CCNH: variants seen among roughly 807,000 people sequenced by gnomAD.
CCNH encodes cyclin H, also known as cyclin-H.
Under a neutral mutation model 41.9 loss-of-function variants are expected in CCNH, and 31 were observed. The ratio of observed to expected loss-of-function variants is 0.74; its 90% CI spans 0.56 to 1.00. The LOEUF (loss-of-function observed/expected upper bound fraction) is 1.00. Ranked by LOEUF, CCNH falls within the 50% of genes least tolerant of loss-of-function variation. The pLI is 0.00. For missense variants in CCNH, 362 were observed against 388.4 expected (o/e 0.93, Z 0.57); for synonymous variants, 138 against 136.1 (o/e 1.01, Z -0.10).
intron 9 of CCNH, chr5:87,346,746 T>C: frequency 3.4e-6 from 5 of 1,489,464 alleles, no homozygotes; most frequent in Non-Finnish European, 3.7e-6. Flanking sequence ...TTTACTTGCT[T>C]TTCTAATGTC....
At chr5:87,394,231 G>T, downstream of CCNH, 2 of 1,215,942 alleles carry the variant, frequency 1.6e-6, no homozygotes, top group Non-Finnish European at 1.0e-6. Context: ...TTTGATATTA[G>T]TCACGATGGA....
At chr5:87,343,477 A>C (rs1758626277) in intron 9 of CCNH, among the ~76,000 whole-genome samples, 1 of 152,186 alleles carries the variant, frequency 6.6e-6, no homozygotes, top group African/African-American at 2.4e-5. Flanking sequence ...CTCACCATTC[A>C]TTACTAATCA....
intron 9 of CCNH, chr5:87,370,035 A>G (rs1471768126): frequency 1.1e-5 from 9 of 805,540 alleles, no homozygotes; most frequent in Non-Finnish European, 1.8e-5. Flanking sequence ...TATTTTAAGG[A>G]ATGAGATTTC....
downstream of CCNH, among the ~76,000 whole-genome samples, chr5:87,316,591 C>T (rs2112320674): frequency 6.6e-6 from 1 of 152,254 alleles, no homozygotes. Context: ...ACCTGTCCCA[C>T]AGAGACTTGA....
chr5:87,363,191 T>C (rs1236701969), intron 9 of CCNH, among the ~76,000 whole-genome samples: 2 of 152,034 alleles, frequency 1.3e-5, no homozygotes, highest in Non-Finnish European at 2.9e-5. Flanking sequence ...TTGTACAGAT[T>C]TGTTATAGGC....
chr5:87,394,632 T>G, intron 8 of CCNH, 148 bp from the exon 9 acceptor site: 1 of 1,461,250 alleles, frequency 6.8e-7, no homozygotes, highest in Non-Finnish European at 9.0e-7. Flanking sequence ...AGTTCACTGT[T>G]AGTAATGTTG....
At position 87,394,367 on chromosome 5, in the gene CCNH, CT is replaced by C; in HGVS notation, c.*78del. ...ATATATTTTATGTTTTCACATTATACTTTTTAAATAAAGTTAAACGTTTGAT... is the reference window on the plus strand; with the variant it reads ...ATATATTTTATGTTTTCACATTATACTTTTAAATAAAGTTAAACGTTTGAT... On this transcript the variant is annotated 3_prime_UTR_variant, in exon 9 of 9. Transcript: ENST00000256897. 1 of 1,541,160 alleles carries C rather than the reference CT, an allele frequency of 6.5e-7. No homozygotes were observed. Among genetic ancestry groups the C allele is most frequent in the Non-Finnish European group, 8.8e-7 (1 of 1,142,500 alleles).
rs3093815 is a variant in CCNH at position 87,401,609 on chromosome 5, T to C, written c.760+93A>G. 3.5e-3 allele frequency: 2,681 copies of C among 771,374 alleles called. 41 individuals carry two copies. The African/African-American group carries it at 0.041, about 12-fold the overall frequency. 47.8% of individuals were successfully genotyped at this position (771,374 alleles called of 1,614,324 possible). A position where few individuals can be genotyped will look rare whatever the true frequency, so the allele number is the denominator to read the frequency against. On this transcript the variant is annotated intron_variant, in intron 6 of 8. Transcript: ENST00000256897. ...CAATGAAAAGAAATCTAAACAAAAA[T>C]CTGTTATATTTCTAGTTAAACACCA...
intron 9 of CCNH, chr5:87,331,565 T>C (rs1757602055): frequency 1.3e-6 from 2 of 1,538,552 alleles, no homozygotes; most frequent in East Asian, 2.3e-5. Flanking sequence ...TTCATAAATA[T>C]ACCTGTATAA....
chr5:87,313,049 T>C, the CCNH span, among the ~76,000 whole-genome samples: 1 of 152,204 alleles, frequency 6.6e-6, no homozygotes, highest in African/African-American at 2.4e-5. Context: ...GGATGGGGGC[T>C]GAACAGGCGT....
At chr5:87,405,887 T>G (rs1306614182) in intron 4 of CCNH, among the ~76,000 whole-genome samples, 1 of 152,020 alleles carries the variant, frequency 6.6e-6, no homozygotes, top group African/African-American at 2.4e-5. Context: ...TACCAAGATT[T>G]CTGAGGGCTG....
At chr5:87,385,155 C>A (rs1201665814) in intron 9 of CCNH, 5 of 671,926 alleles carry the variant, frequency 7.4e-6, no homozygotes, top group Non-Finnish European at 1.3e-5. Context: ...TTTCAAAAAA[C>A]ATTTTTCCAA....
downstream of CCNH, chr5:87,392,613 C>T (rs182229612): frequency 3.9e-6 from 1 of 253,236 alleles, no homozygotes; most frequent in Non-Finnish European, 8.0e-6. Flanking sequence ...CACTTTGGCT[C>T]CCATTTATCA....
chr5:87,412,441 C>T (rs1764327593), intron 1 of CCNH: 2 of 1,379,046 alleles, frequency 1.5e-6, no homozygotes, highest in African/African-American at 1.5e-5. Flanking sequence ...TTACTCTCTT[C>T]TTCACTACGT....
At chr5:87,363,676 C>A (rs1466783771) in intron 9 of CCNH, among the ~76,000 whole-genome samples, 1 of 152,026 alleles carries the variant, frequency 6.6e-6, no homozygotes, top group African/African-American at 2.4e-5. Flanking sequence ...TACATAAAGT[C>A]TACTTCATTG....
downstream of CCNH, among the ~76,000 whole-genome samples, chr5:87,390,313 G>A (rs1762407563): frequency 6.6e-6 from 1 of 152,082 alleles, no homozygotes; most frequent in African/African-American, 2.4e-5. Context: ...TGCTGTCACC[G>A]CACTGGCTAA....
intron 9 of CCNH, among the ~76,000 whole-genome samples, chr5:87,361,841 A>G (rs779544517): frequency 6.3e-4 from 95 of 151,442 alleles, no homozygotes; most frequent in Non-Finnish European, 1.1e-3. Context: ...GCTTAGTTTT[A>G]TACATTTTTT....
At chr5:87,342,765 TATGTGTAGGA>T (rs1202182320) in intron 9 of CCNH, among the ~76,000 whole-genome samples, 2 of 152,196 alleles carry the variant, frequency 1.3e-5, no homozygotes, top group South Asian at 2.1e-4. Flanking sequence ...GTCTAGTTGA[TATGTGTAGGA>T]ATGTGAGTCT....
At chr5:87,374,304 G>A, downstream of CCNH, 1 of 1,606,538 alleles carries the variant, frequency 6.2e-7, no homozygotes. Context: ...AGTATGGTCA[G>A]AAGAGTTTGT....
Sources: allele counts gnomAD v4.1 joint callset (sites outside exome capture counted in the v4.1 genomes callset), GRCh38; gene constraint gnomAD v4.1.1; transcripts MANE v1.5; gene names NCBI Gene and HGNC (gene_info 2026-07-23, HGNC 2026-07-21).